The following WNT10A variants were observed in gnomAD, a reference collection of about 807,000 sequenced individuals.
WNT10A encodes the protein Wnt family member 10A.
WNT10A carries 37 observed loss-of-function variants against 36.1 expected under a neutral mutation model. That is an observed-to-expected ratio of 1.02 (90% CI 0.79 to 1.35). WNT10A has a LOEUF of 1.35. WNT10A is among the 40% of genes most tolerant of loss of function. The pLI is 0.00. For synonymous variants in WNT10A, 255 were observed against 254.1 expected (o/e 1.00, Z -0.03); for missense variants, 613 against 601.4 (o/e 1.02, Z -0.20).
the WNT10A span, among the ~76,000 whole-genome samples, chr2:218,875,522 T>A: frequency 6.6e-6 from 1 of 152,162 alleles, no homozygotes; most frequent in Non-Finnish European, 1.5e-5. Context: ...TGTACCAAAC[T>A]TGAAGGCAGA....
intron 2 of WNT10A, among the ~76,000 whole-genome samples, chr2:218,888,333 C>T (rs1246136159): frequency 6.6e-6 from 1 of 152,246 alleles, no homozygotes; most frequent in Non-Finnish European, 1.5e-5. Context: ...CTCCCCCTGC[C>T]ACAGGTCCAG....
chr2:218,892,646 C>T, intron 3 of WNT10A, 128 bp from the exon 4 acceptor site: 1 of 1,432,088 alleles, frequency 7.0e-7, no homozygotes, highest in Non-Finnish European at 9.4e-7. Flanking sequence ...GGTTGTGGGA[C>T]CCTCGCTCCC....
intron 1 of WNT10A, among the ~76,000 whole-genome samples, 174 bp downstream of exon 1, chr2:218,881,282 G>T (rs1195043403): frequency 6.6e-6 from 1 of 152,226 alleles, no homozygotes; most frequent in Admixed American, 6.5e-5. Context: ...GGGTTGGACT[G>T]GTGACAGGAT....
rs200751156 is a variant in WNT10A at position 218,890,090 on chromosome 2, G to A, written c.483G>A (p.Ala161=). 2.2e-5 allele frequency: 35 copies of A among 1,614,170 alleles called. No homozygotes were observed. The highest frequency in any genetic ancestry group is 3.3e-5 in the Admixed American group (2 of 60,030). ...LGKLKACGCD[A]SRRGDEEAFR... is the part of the protein sequence containing the mutation. Reference sequence around the variant, plus strand: ...AACTGAAGGCCTGTGGCTGTGATGCGTCCCGGCGAGGGGACGAGGAGGCCT... The same window carrying A: ...AACTGAAGGCCTGTGGCTGTGATGCATCCCGGCGAGGGGACGAGGAGGCCT... The change falls in exon 3 of 4, where the codon GCG becomes GCA. Residue 161 remains alanine (A), a synonymous_variant. Transcript: ENST00000258411.
rs1413647127 is a variant in WNT10A, at chr2:218,893,278, C to T, written c.*7C>T. Reference sequence around the variant, plus strand: ...GGTCAGCGTCTGCAAGTGAGCGGCCCGGGGTCCCCTGGGCCCTGATCGAGG... The same window carrying T: ...GGTCAGCGTCTGCAAGTGAGCGGCCTGGGGTCCCCTGGGCCCTGATCGAGG... On this transcript the variant is annotated 3_prime_UTR_variant, in exon 4 of 4. Transcript: ENST00000258411. The surrounding 1 kb of genome is among the most constrained non-coding windows in gnomAD (Gnocchi z 6.3). The T allele has an allele frequency of 2.8e-5, 44 of 1,544,210 alleles. No individual in the cohort carries two copies. The highest frequency in any genetic ancestry group is 3.6e-5 in the Non-Finnish European group (42 of 1,151,028).
At chr2:218,882,743 C>T (rs1042681173) in intron 2 of WNT10A, among the ~76,000 whole-genome samples, 1 of 152,238 alleles carries the variant, frequency 6.6e-6, no homozygotes, top group African/African-American at 2.4e-5. Flanking sequence ...CTGTCGCTTG[C>T]CTCTACTTAC....
intron 3 of WNT10A, among the ~76,000 whole-genome samples, chr2:218,892,506 T>A (rs1016584534): frequency 4.0e-5 from 6 of 151,598 alleles, no homozygotes; most frequent in Admixed American, 6.6e-5. Flanking sequence ...CTGCAGCTGC[T>A]GGAAAGGCGG....
rs373991357 is a variant in WNT10A at position 218,890,259 on chromosome 2, A to C, written c.652A>C (p.Met218Leu). 1 of 1,613,022 alleles carries C rather than the reference A, an allele frequency of 6.2e-7. No individual in the cohort carries two copies. The highest frequency in any genetic ancestry group is 1.1e-5 in the South Asian group (1 of 91,086). Residue 218 changes from methionine (M) to leucine (L), a missense_variant, in exon 3 of 4, where the codon ATG becomes CTG. Met to Leu is a conservative substitution (Grantham distance 15). Transcript: ENST00000258411. ...GGAGTGGGGCGGCTGCAGCCCCGAC[A>C]TGGGCTTCGGGGAGCGCTTTTCTAA... ...SWEWGGCSPD[M>L]GFGERFSKDF...
At chr2:218,878,590 G>T (rs1028909808), upstream of WNT10A, among the ~76,000 whole-genome samples, 3 of 152,062 alleles carry the variant, frequency 2.0e-5, no homozygotes, top group Non-Finnish European at 4.4e-5. This position sits in a 1 kb window ranked among gnomAD's most constrained non-coding sequence, Gnocchi z 4.1. Flanking sequence ...TAGCTAGAAA[G>T]ACAGACACCC....
chr2:218,881,632 A>G (rs1944517303), intron 1 of WNT10A, among the ~76,000 whole-genome samples: 1 of 151,994 alleles, frequency 6.6e-6, no homozygotes, highest in Non-Finnish European at 1.5e-5. Flanking sequence ...ATGTGTGCCC[A>G]TGTGTGCATG....
At position 218,882,197 on chromosome 2, in the gene WNT10A, C is replaced by G. The variant is rs761730775; in HGVS notation, c.150C>G (p.Pro50=). ...ATGACATTCTGGACCTCCGCCTCCCCCCGGAGCCCGTGCTCAATGCCAACA... is the reference window on the plus strand; with the variant it reads ...ATGACATTCTGGACCTCCGCCTCCCGCCGGAGCCCGTGCTCAATGCCAACA... ...APNDILDLRL[P]PEPVLNANTV... Residue 50 remains proline (P), a synonymous_variant, in exon 2 of 4, where the codon CCC becomes CCG. Transcript: ENST00000258411. The G allele has an allele frequency of 6.2e-7, 1 of 1,614,022 alleles. No individual in the cohort carries two copies. Among genetic ancestry groups the G allele is most frequent in the Admixed American group, 1.7e-5 (1 of 60,002 alleles).
intron 2 of WNT10A, among the ~76,000 whole-genome samples, chr2:218,883,416 A>C (rs554873771): frequency 1.3e-5 from 2 of 152,150 alleles, no homozygotes; most frequent in East Asian, 3.9e-4. Context: ...CTGTACCTCA[A>C]ATTCGGAAAA....
Position 218,892,955 on chromosome 2 carries a change from G to T in WNT10A, c.938G>T (p.Gly313Val), listed in dbSNP as rs1378831137. 2.8e-6 allele frequency: 4 copies of T among 1,444,330 alleles called. 1 individual carries two copies. The South Asian group carries it at 5.7e-5, about 21-fold the overall frequency. The allele number at this position is 1,444,330 out of a possible 1,614,324, so 89.5% of individuals were successfully genotyped here. The stretch of plus-strand genomic sequence containing the variant: ...CGCAACGGCGGCCAGCTGGAGCCGG[G>T]CCCAGCGGGGGCACCCTCGCCGGCT... Reference protein sequence around the residue: ...HNRNGGQLEPGPAGAPSPAPG... With the variant: ...HNRNGGQLEPVPAGAPSPAPG... Residue 313 changes from glycine (G) to valine (V), a missense_variant, in exon 4 of 4, where the codon GGC becomes GTC. Physicochemically the swap from Gly to Val is moderately radical, Grantham distance 109. Transcript: ENST00000258411.
At chr2:218,891,252 A>T (rs1487934784) in intron 3 of WNT10A, among the ~76,000 whole-genome samples, 2 of 152,122 alleles carry the variant, frequency 1.3e-5, no homozygotes, top group African/African-American at 4.8e-5. Context: ...CTTTTGTTCT[A>T]CAGCGTTGAG....
chr2:218,880,978 C>T lies in WNT10A; in HGVS notation c.-18C>T, dbSNP rs955187779. 1.3e-6 allele frequency: 2 copies of T among 1,558,306 alleles called. No individual in the cohort carries two copies. The highest frequency in any genetic ancestry group is 1.2e-5 in the South Asian group (1 of 85,096). ...GGCTGTGAGCCCCCCACTCCCAGCC[C>T]GTCAGGGCCTGCGCGCCATGGGCAG... On this transcript the variant is annotated 5_prime_UTR_variant, in exon 1 of 4. Transcript: ENST00000258411. This position sits in a 1 kb window ranked among gnomAD's most constrained non-coding sequence, Gnocchi z 7.7.
In WNT10A at chr2:218,893,025, G is replaced by C; in HGVS notation, c.1008G>C (p.Leu336=). The change falls in exon 4 of 4, where the codon CTG becomes CTC. Residue 336 remains leucine (L), a synonymous_variant. Coordinates refer to ENST00000258411, the MANE Select transcript of WNT10A (RefSeq NM_025216.3). This position sits in a 1 kb window ranked among gnomAD's most constrained non-coding sequence, Gnocchi z 6.3. ...GPRRRASPAD[L]VYFEKSPDFC... Reference sequence around the variant, plus strand: ...GCCGACGGGCCAGCCCCGCCGACCTGGTCTACTTCGAAAAGTCTCCCGACT... The same window carrying C: ...GCCGACGGGCCAGCCCCGCCGACCTCGTCTACTTCGAAAAGTCTCCCGACT... 3 of 1,594,376 alleles carry C rather than the reference G, an allele frequency of 1.9e-6. No individual in the cohort carries two copies. The highest frequency in any genetic ancestry group is 4.5e-5 in the East Asian group (2 of 44,682).
Position 218,881,540 on chromosome 2 carries a change from C to CTGTGTGTG in WNT10A, c.113+454_113+461dup, listed in dbSNP as rs142861827. Among the ~76,000 whole-genome samples, 97 of 141,600 alleles carry CTGTGTGTG rather than the reference C, an allele frequency of 6.9e-4. 1 individual carries two copies. Among genetic ancestry groups the CTGTGTGTG allele is most frequent in the African/African-American group, 2.5e-3 (88 of 35,088 alleles). The allele number at this position is 141,600 out of a possible 152,430, so 92.9% of individuals were successfully genotyped here. A position where few individuals can be genotyped will look rare whatever the true frequency, so the allele number is the denominator to read the frequency against. ...CAGTGAGAGACTGCAGCTGCAAGAG[C>CTGTGTGTG]TGTGTGTGTGTGTGTGTGTGTGTGT... On this transcript the variant is annotated intron_variant, in intron 1 of 3. Coordinates refer to ENST00000258411, the MANE Select transcript of WNT10A (RefSeq NM_025216.3).
intron 2 of WNT10A, among the ~76,000 whole-genome samples, chr2:218,886,883 T>C (rs1373071134): frequency 2.6e-5 from 4 of 152,242 alleles, no homozygotes; most frequent in Admixed American, 6.5e-5. Flanking sequence ...CTATGACAGC[T>C]GTCAGAGGCC....
chr2:218,875,159 C>CTTTTTTTTTT, the WNT10A span, among the ~76,000 whole-genome samples: 59 of 36,864 alleles, frequency 1.6e-3, 21 homozygotes, highest in Admixed American at 2.6e-3. Flanking sequence ...GACTGACTTT[C>CTTTTTTTTTT]TTTTTTTTTT....
Sources: allele counts gnomAD v4.1 joint callset (sites outside exome capture counted in the v4.1 genomes callset), GRCh38; gene constraint gnomAD v4.1.1; non-coding constraint Gnocchi (gnomAD v3.1); transcripts MANE v1.5; gene names NCBI Gene and HGNC (gene_info 2026-07-23, HGNC 2026-07-21).